FBXL13: variants seen among roughly 807,000 people sequenced by gnomAD.
FBXL13 encodes F-box and leucine-rich repeat protein 13.
In FBXL13, 67 loss-of-function variants were observed where a neutral mutation model predicts 83.6. The observed-to-expected ratio is 0.80, with a 90% confidence interval of 0.66 to 0.98. The LOEUF is 0.98. FBXL13 is among the 50% of genes least tolerant of loss of function. The probability of loss-of-function intolerance (pLI) is 0.00; values close to 1 mark genes in which losing one functional copy is unlikely to be tolerated. For synonymous variants in FBXL13, 272 were observed against 299.5 expected (o/e 0.91, Z 0.95); for missense variants, 822 against 866.5 (o/e 0.95, Z 0.64).
Position 102,971,223 on chromosome 7 carries a change from GAAC to G in FBXL13, c.496-3109_496-3107del, listed in dbSNP as rs1315519350. On this transcript the variant is annotated intron_variant, in intron 6 of 19. Coordinates refer to ENST00000313221, the Ensembl canonical transcript of FBXL13. ...CGTACAAAAGACTGTCACGTAGACAGAACAACATAAGGTGGAAGTCAGCAGAAA... is the reference window on the plus strand; with the variant it reads ...CGTACAAAAGACTGTCACGTAGACAGAACATAAGGTGGAAGTCAGCAGAAA... Among the ~76,000 whole-genome samples the G allele has an allele frequency of 2.0e-5, 3 of 152,172 alleles. No individual in the cohort carries two copies. In the East Asian group the frequency reaches 5.8e-4, roughly 29 times the overall value.
At chr7:102,960,944 T>C (rs933734889) in intron 8 of FBXL13, among the ~76,000 whole-genome samples, 1 of 152,020 alleles carries the variant, frequency 6.6e-6, no homozygotes, top group Non-Finnish European at 1.5e-5. Flanking sequence ...ATGCCCTCTC[T>C]CACCACTCCT....
intron 6 of FBXL13, among the ~76,000 whole-genome samples, chr7:102,999,124 T>A (rs1563202011): frequency 6.6e-6 from 1 of 152,110 alleles, no homozygotes. Flanking sequence ...GTTTTTTTTT[T>A]ATCATAAAAG....
chr7:103,037,205 T>G (rs1480337211), intron 2 of FBXL13, among the ~76,000 whole-genome samples: 1 of 152,230 alleles, frequency 6.6e-6, no homozygotes, highest in Non-Finnish European at 1.5e-5. Flanking sequence ...TTTTGATGCC[T>G]TATCAGATAA....
intron 11 of FBXL13, among the ~76,000 whole-genome samples, chr7:102,894,447 C>T (rs1004790788): frequency 2.6e-5 from 4 of 151,964 alleles, no homozygotes; most frequent in African/African-American, 7.3e-5. Flanking sequence ...AAATAGAGTG[C>T]ACATGGTGAC....
intron 8 of FBXL13, among the ~76,000 whole-genome samples, chr7:102,943,607 G>A (rs544328153): frequency 6.6e-6 from 1 of 152,222 alleles, no homozygotes; most frequent in East Asian, 1.9e-4. Context: ...AATCCACTAA[G>A]AGACTGCAAA....
At chr7:102,930,124 A>G (rs572628865) in intron 9 of FBXL13, among the ~76,000 whole-genome samples, 14 of 152,292 alleles carry the variant, frequency 9.2e-5, no homozygotes, top group Admixed American at 5.9e-4. Flanking sequence ...CAAGTGGTTC[A>G]GTATTGAAAT....
At chr7:102,988,955 A>G (rs756303617) in intron 6 of FBXL13, 1 of 152,196 alleles carries the variant, frequency 6.6e-6, no homozygotes, top group Non-Finnish European at 1.5e-5. Flanking sequence ...CAGGCAAGCT[A>G]TAACCTGGAG....
chr7:102,845,606 A>G (rs1803800082), intron 17 of FBXL13, among the ~76,000 whole-genome samples: 1 of 152,118 alleles, frequency 6.6e-6, no homozygotes, highest in South Asian at 2.1e-4. Flanking sequence ...CTCATCCCTC[A>G]TCTGAACTAT....
intron 16 of FBXL13, among the ~76,000 whole-genome samples, chr7:102,869,616 C>A (rs1042342674): frequency 5.9e-5 from 9 of 152,102 alleles, no homozygotes; most frequent in African/African-American, 1.9e-4. Flanking sequence ...CTGGCTCTTA[C>A]ATTTAAGTCC....
intron 10 of FBXL13, among the ~76,000 whole-genome samples, chr7:102,919,956 T>C (rs2129470191): frequency 6.6e-6 from 1 of 152,298 alleles, no homozygotes; most frequent in Middle Eastern, 3.4e-3. Context: ...ATAATTACAA[T>C]ATTGAGTGCA....
At chr7:103,007,205 T>C (rs184882513) in intron 6 of FBXL13, among the ~76,000 whole-genome samples, 1 of 152,070 alleles carries the variant, frequency 6.6e-6, no homozygotes, top group African/African-American at 2.4e-5. Context: ...ACTTTCTAAA[T>C]TTGCTAAAAA....
Position 102,973,910 on chromosome 7 carries a change from C to T in FBXL13, c.496-5793G>A, listed in dbSNP as rs895044585. Reference sequence around the variant, plus strand: ...TGCTGATCATCTGGTCTTAGGGGGACGCCTCTAAGCCATTTGATCCCGTTC... The same window carrying T: ...TGCTGATCATCTGGTCTTAGGGGGATGCCTCTAAGCCATTTGATCCCGTTC... On this transcript the variant is annotated intron_variant, in intron 6 of 19. Transcript: ENST00000313221. 5.5e-5 allele frequency: 36 copies of T among 660,140 alleles called. 1 individual carries two copies. Among genetic ancestry groups the T allele is most frequent in the Admixed American group, 8.2e-5 (3 of 36,470 alleles). 40.9% of individuals were successfully genotyped at this position (660,140 alleles called of 1,614,324 possible). A position where few individuals can be genotyped will look rare whatever the true frequency, so the allele number is the denominator to read the frequency against.
At chr7:103,014,694 C>G (rs534499732) in intron 6 of FBXL13, among the ~76,000 whole-genome samples, 3 of 151,870 alleles carry the variant, frequency 2.0e-5, no homozygotes, top group Non-Finnish European at 4.4e-5. Context: ...GAGGCCGAGG[C>G]GGGTGGATCA....
chr7:102,955,410 T>C lies in FBXL13; in HGVS notation c.724+8123A>G, dbSNP rs115724017. ...AAAGCAGGGTGTAGAAGGAAACTTATAGCACTAAATGCCCCAAGAGTAAGC... is the reference window on the plus strand; with the variant it reads ...AAAGCAGGGTGTAGAAGGAAACTTACAGCACTAAATGCCCCAAGAGTAAGC... On this transcript the variant is annotated intron_variant, in intron 8 of 19. Transcript: ENST00000313221. 6.0e-3 allele frequency among the ~76,000 whole-genome samples: 918 copies of C among 152,126 alleles called. 9 individuals are homozygous for C. The highest frequency in any genetic ancestry group is 0.021 in the African/African-American group (852 of 41,512).
chr7:102,903,939 CTTTTTTTTTTT>C (rs1166655004), intron 11 of FBXL13, among the ~76,000 whole-genome samples: 1 of 43,470 alleles, frequency 2.3e-5, no homozygotes, highest in Non-Finnish European at 4.2e-5. Flanking sequence ...CTTTTCTTTT[CTTTTTTTTTTT>C]TTTTTTTTTT....
chr7:102,963,468 T>G (rs987568343), intron 8 of FBXL13, 65 bp downstream of exon 9: 9 of 1,578,322 alleles, frequency 5.7e-6, no homozygotes, highest in African/African-American at 1.4e-5. Flanking sequence ...ATCTATGCTT[T>G]TCTGTATATT....
rs1821859588 is a variant in FBXL13 at position 102,943,467 on chromosome 7, A to T, written c.725-11534T>A. On this transcript the variant is annotated intron_variant, in intron 8 of 19. Coordinates refer to ENST00000313221, the Ensembl canonical transcript of FBXL13. ...CACAATTTTGCATTTAGACACATTT[A>T]CAGTGAAGAAATATAATTAAAAACA... 2.0e-5 allele frequency among the ~76,000 whole-genome samples: 3 copies of T among 152,224 alleles called. 1 individual carries two copies. In the South Asian group the frequency reaches 6.2e-4, roughly 31 times the overall value.
At chr7:103,010,996 C>T (rs1327654815) in intron 6 of FBXL13, among the ~76,000 whole-genome samples, 2 of 151,902 alleles carry the variant, frequency 1.3e-5, no homozygotes, top group Admixed American at 6.6e-5. Flanking sequence ...ATTCTATAAT[C>T]AAACCCCAAG....
intron 6 of FBXL13, among the ~76,000 whole-genome samples, chr7:103,003,560 C>T (rs1321630355): frequency 1.3e-5 from 2 of 151,766 alleles, no homozygotes; most frequent in Admixed American, 6.6e-5. Flanking sequence ...GCTGGGATTA[C>T]AGGTGTGAGC....
Sources: allele counts gnomAD v4.1 joint callset (sites outside exome capture counted in the v4.1 genomes callset), GRCh38; gene constraint gnomAD v4.1.1; transcripts MANE v1.5; gene names NCBI Gene and HGNC (gene_info 2026-07-23, HGNC 2026-07-21).